DHX15: variants seen among roughly 807,000 people sequenced by gnomAD.
DHX15 encodes the protein DEAH-box helicase 15.
In DHX15, 11 loss-of-function variants were observed where a neutral mutation model predicts 94.4. The ratio of observed to expected loss-of-function variants is 0.12; its 90% confidence interval spans 0.07 to 0.19. DHX15 has a LOEUF of 0.19. Among genes scored for constraint, DHX15 ranks in the 10% least tolerant of loss-of-function variants. The pLI, the probability that DHX15 is intolerant of heterozygous loss-of-function variation, is 1.00. For synonymous variants in DHX15, 338 were observed against 329.9 expected (o/e 1.02, Z -0.27); for missense variants, 304 against 988.5 (o/e 0.31, Z 9.29).
intron 1 of DHX15, among the ~76,000 whole-genome samples, chr4:24,581,606 A>C (rs1399215565): frequency 6.6e-6 from 1 of 152,172 alleles, no homozygotes; most frequent in African/African-American, 2.4e-5. Flanking sequence ...CATCTACCAT[A>C]CAGGATTGTA....
intron 6 of DHX15, among the ~76,000 whole-genome samples, chr4:24,543,978 A>G (rs1004938953): frequency 6.6e-6 from 1 of 152,170 alleles, no homozygotes; most frequent in African/African-American, 2.4e-5. Flanking sequence ...CACCAAAGAC[A>G]CACTGTGAAA....
chr4:24,547,226 A>C (rs1218149016), intron 6 of DHX15, among the ~76,000 whole-genome samples: 1 of 152,240 alleles, frequency 6.6e-6, no homozygotes, highest in Non-Finnish European at 1.5e-5. Context: ...TTTCGGCTGA[A>C]ACACCATCAC....
intron 1 of DHX15, chr4:24,581,083 T>C (rs1479738319): frequency 6.6e-6 from 1 of 151,526 alleles, no homozygotes; most frequent in Non-Finnish European, 1.5e-5. Context: ...CAGGCTGGAG[T>C]GCAGTGGCAC....
chr4:24,569,617 A>G (rs1722073908), intron 3 of DHX15, among the ~76,000 whole-genome samples: 1 of 140,910 alleles, frequency 7.1e-6, no homozygotes, highest in African/African-American at 2.6e-5. Context: ...AAAAAAAAAG[A>G]GAGACTCTTG....
chr4:24,577,244 G>A (rs966134337), intron 1 of DHX15, among the ~76,000 whole-genome samples: 1 of 152,166 alleles, frequency 6.6e-6, no homozygotes, highest in African/African-American at 2.4e-5. Flanking sequence ...ATAGGACGAT[G>A]TTCGGTTGTA....
intron 2 of DHX15, among the ~76,000 whole-genome samples, chr4:24,572,682 GACT>G (rs1283724894): frequency 1.3e-5 from 2 of 152,138 alleles, no homozygotes; most frequent in African/African-American, 2.4e-5. Context: ...CTATAAAAAT[GACT>G]ACTTTTCAAA....
In DHX15 at chr4:24,564,722, C is replaced by T. The variant is rs570544306; in HGVS notation, c.701+5932G>A. Among the ~76,000 whole-genome samples the T allele has an allele frequency of 5.3e-5, 8 of 152,274 alleles. No homozygotes were observed. In the South Asian group the frequency reaches 1.0e-3, roughly 20 times the overall value. ...ACCATATTACACAACATGAGCAACA[C>T]TAACTTACTGTAATCACAATAGCAC... On this transcript the variant is annotated intron_variant, in intron 3 of 13. Coordinates refer to ENST00000336812, the MANE Select transcript of DHX15 (RefSeq NM_001358.3).
At chr4:24,528,609 T>C (rs1721010513) in intron 13 of DHX15, among the ~76,000 whole-genome samples, 1 of 152,180 alleles carries the variant, frequency 6.6e-6, no homozygotes, top group Non-Finnish European at 1.5e-5. Flanking sequence ...AGCTGCACAA[T>C]ATAAAGCGGT....
intron 6 of DHX15, among the ~76,000 whole-genome samples, chr4:24,544,290 A>G (rs1473716805): frequency 6.6e-6 from 1 of 152,180 alleles, no homozygotes; most frequent in Non-Finnish European, 1.5e-5. Flanking sequence ...TAACACTTTC[A>G]TTTTCTGATT....
At position 24,547,943 on chromosome 4, in the gene DHX15, CT is replaced by C. The variant is rs1560765970; in HGVS notation, c.1248+911del. Among the ~76,000 whole-genome samples, 136 of 72,122 alleles carry C rather than the reference CT, an allele frequency of 1.9e-3. 1 individual carries two copies. Among genetic ancestry groups the C allele is most frequent in the African/African-American group, 3.3e-3 (60 of 18,190 alleles). The allele number at this position is 72,122 out of a possible 152,430, so 47.3% of individuals were successfully genotyped here. A position where few individuals can be genotyped will look rare whatever the true frequency, so the allele number is the denominator to read the frequency against. On this transcript the variant is annotated intron_variant, in intron 6 of 13. Transcript: ENST00000336812. ...TATATATATATATATATATATATAT[CT>C]ATATCTATATCTATATCTATCTGCT...
chr4:24,558,098 CAT>C (rs1684323519), intron 3 of DHX15, among the ~76,000 whole-genome samples: 1 of 152,040 alleles, frequency 6.6e-6, no homozygotes, highest in African/African-American at 2.4e-5. Flanking sequence ...AACATGGAAT[CAT>C]AGTGTAATAT....
chr4:24,556,824 A>AC (rs1721747616), intron 3 of DHX15, among the ~76,000 whole-genome samples: 2 of 152,336 alleles, frequency 1.3e-5, no homozygotes, highest in African/African-American at 4.8e-5. Flanking sequence ...CTAAAATGTT[A>AC]CCACATGCAA....
chr4:24,540,344 C>A, intron 9 of DHX15, 45 bp from the exon 10 acceptor site: 4 of 1,503,580 alleles, frequency 2.7e-6, no homozygotes, highest in South Asian at 2.6e-5. Flanking sequence ...CTTAAGCAAG[C>A]AAAAATGTGA....
At position 24,529,654 on chromosome 4, in the gene DHX15, A is replaced by G; in HGVS notation, c.2217T>C (p.Phe739=). 1 of 1,614,218 alleles carries G rather than the reference A, an allele frequency of 6.2e-7. No homozygotes were observed. The highest frequency in any genetic ancestry group is 1.1e-5 in the South Asian group (1 of 91,088). The change falls in exon 13 of 14, where the codon TTT becomes TTC. Residue 739 remains phenylalanine, a synonymous_variant. Transcript: ENST00000336812. The part of the protein sequence containing the change: ...HKPEWVLYNE[F]VLTTKNYIRT... ...GGATGTAATTCTTTGTTGTTAGAAC[A>G]AACTCATTATAAAGCACCCATTCAG... is the stretch of plus-strand genomic sequence containing the variant.
rs1560765698 is a variant in DHX15, at chr4:24,547,901, GTGTATATATATA to G, written c.1248+942_1248+953del. On this transcript the variant is annotated intron_variant, in intron 6 of 13. Coordinates refer to ENST00000336812, the MANE Select transcript of DHX15 (RefSeq NM_001358.3). ...TCTCTCTCTCTCTCTATGTATGTAT[GTGTATATATATA>G]TATATATATATATATATATATATAT... Among the ~76,000 whole-genome samples, 12 of 14,186 alleles carry G rather than the reference GTGTATATATATA, an allele frequency of 8.5e-4. 1 individual carries two copies. Among genetic ancestry groups the G allele is most frequent in the South Asian group, 7.6e-3 (2 of 264 alleles). 9.3% of individuals were successfully genotyped at this position (14,186 alleles called of 152,430 possible).
rs550241733 is a variant in DHX15 at position 24,541,417 on chromosome 4, T to C, written c.1485+456A>G. 6.6e-5 allele frequency among the ~76,000 whole-genome samples: 10 copies of C among 152,208 alleles called. No individual in the cohort carries two copies. In the South Asian group the frequency reaches 1.9e-3, roughly 28 times the overall value. On this transcript the variant is annotated intron_variant, in intron 8 of 13. Transcript: ENST00000336812. The stretch of plus-strand genomic sequence containing the variant: ...GCTCAAGTAACCTTTTACTTAATAA[T>C]GGCCCCAAAGCGCCAAGAATATTGA...
At position 24,556,237 on chromosome 4, in the gene DHX15, A is replaced by G; in HGVS notation, c.861+14T>C. 6.2e-7 allele frequency: 1 copy of G among 1,611,462 alleles called. No homozygotes were observed. Among genetic ancestry groups the G allele is most frequent in the Non-Finnish European group, 8.5e-7 (1 of 1,178,342 alleles). On this transcript the variant is annotated intron_variant, in intron 4 of 13. Coordinates refer to ENST00000336812, the MANE Select transcript of DHX15 (RefSeq NM_001358.3). The stretch of plus-strand genomic sequence containing the variant: ...ACACATATATAGTTAAATGGAGAGA[A>G]GAAATTACTTCACCTTTAAATCTGA...
chr4:24,574,222 A>AAAAAAAAAAAAAAAAAAG, intron 2 of DHX15, among the ~76,000 whole-genome samples: 1 of 150,268 alleles, frequency 6.7e-6, no homozygotes, highest in Non-Finnish European at 1.5e-5. Flanking sequence ...AAAAAAAAAA[A>AAAAAAAAAAAAAAAAAAG]AAAAAAGTTA....
intron 6 of DHX15, among the ~76,000 whole-genome samples, chr4:24,547,949 CTATATCTA>C (rs1560766042): frequency 1.1e-5 from 1 of 91,308 alleles, no homozygotes; most frequent in African/African-American, 4.4e-5. Flanking sequence ...ATATCTATAT[CTATATCTA>C]TATCTATCTG....
Sources: gnomAD v4.1 joint callset for allele counts (sites outside exome capture counted in the v4.1 genomes callset) on GRCh38, gnomAD v4.1.1 for gene constraint, MANE v1.5 for transcripts, NCBI Gene and HGNC (gene_info 2026-07-23, HGNC 2026-07-21) for gene names.